ITPRID2: variants seen among roughly 807,000 people sequenced by gnomAD.
ITPRID2 encodes ITPR interacting domain containing 2, also known as protein ITPRID2.
Under a neutral mutation model 124.3 loss-of-function variants are expected in ITPRID2, and 60 were observed. The observed-to-expected ratio is 0.48, with a 90% CI of 0.39 to 0.60. The LOEUF (loss-of-function observed/expected upper bound fraction) is 0.60. Among genes scored for constraint, ITPRID2 ranks in the 20% least tolerant of loss-of-function variants. The pLI, the probability that ITPRID2 is intolerant of heterozygous loss-of-function variation, is 0.00. For synonymous variants in ITPRID2, 521 were observed against 542.9 expected, an observed-to-expected ratio of 0.96 and a Z score of 0.56; for missense variants, 1,553 against 1,512.2, an observed-to-expected ratio of 1.03 and a Z score of -0.45.
At chr2:181,895,894 C>T in intron 2 of ITPRID2, 136 bp from the exon 3 acceptor site, 1 of 712,350 alleles carries the variant, frequency 1.4e-6, no homozygotes, top group South Asian at 1.8e-5. Context: ...ACTTGCATTC[C>T]TTGTGTGTTT....
rs200173851 is a variant in ITPRID2 at position 181,915,905 on chromosome 2, T to C, written c.2265T>C (p.Asn755=). The change falls in exon 11 of 18, where the codon AAT becomes AAC. Residue 755 remains asparagine, a synonymous_variant. Coordinates refer to ENST00000431877, the MANE Select transcript of ITPRID2 (RefSeq NM_001130445.3). ...CAGTAAGGGTTGTGTCCTCTGTCAA[T>C]GTTCGATTATCTCCAGGAAAAGAGA... ...LSPVRVVSSV[N]VRLSPGKETR... The C allele has an allele frequency of 1.9e-5, 31 of 1,614,106 alleles. No homozygotes were observed. Among genetic ancestry groups the C allele is most frequent in the Non-Finnish European group, 2.6e-5 (31 of 1,180,050 alleles).
chr2:181,914,465 T>C (rs1250798649), intron 10 of ITPRID2, among the ~76,000 whole-genome samples: 1 of 151,964 alleles, frequency 6.6e-6, no homozygotes, highest in Non-Finnish European at 1.5e-5. Context: ...CTAAAGAAAA[T>C]TGGGATGAGA....
rs1376897691 is a variant in ITPRID2 at position 181,919,354 on chromosome 2, C to G, written c.3052C>G (p.Leu1018Val). 3.0e-5 allele frequency: 49 copies of G among 1,614,034 alleles called. No individual in the cohort carries two copies. The highest frequency in any genetic ancestry group is 4.0e-5 in the Non-Finnish European group (47 of 1,180,044). The change falls in exon 14 of 18, where the codon CTG (leucine) becomes GTG (valine). Residue 1018 changes from leucine to valine, a missense_variant. Coordinates refer to ENST00000431877, the MANE Select transcript of ITPRID2 (RefSeq NM_001130445.3). This position sits in a 1 kb window ranked among gnomAD's most constrained non-coding sequence, Gnocchi z 4.2. ...TTCAGTCCGAATGGAACTTCAGGAC[C>G]TGGAACTGCAGCTGGAGGAGCGCCT... ...RNSVRMELQDLELQLEERLLG... is the reference protein window; with the variant it reads ...RNSVRMELQDVELQLEERLLG...
chr2:181,894,281 A>G (rs1166824368), intron 2 of ITPRID2: 2 of 152,196 alleles, frequency 1.3e-5, no homozygotes, highest in Non-Finnish European at 2.9e-5. Flanking sequence ...GCAAATGTTG[A>G]CATTCACCAG....
chr2:181,904,034 A>G (rs1479129452), intron 8 of ITPRID2, among the ~76,000 whole-genome samples: 1 of 152,218 alleles, frequency 6.6e-6, no homozygotes, highest in Non-Finnish European at 1.5e-5. Flanking sequence ...CAACACTCAT[A>G]TTTTCAAGTA....
At chr2:181,923,679 A>AT (rs932426410) in intron 16 of ITPRID2, among the ~76,000 whole-genome samples, 39 of 148,522 alleles carry the variant, frequency 2.6e-4, no homozygotes, top group South Asian at 1.5e-3. Context: ...TTTTAAGGTA[A>AT]TTTTTTTTTT....
rs895043990 is a variant in ITPRID2, at chr2:181,905,099, G to A, written c.1413+2633G>A. Among the ~76,000 whole-genome samples, 11 of 150,946 alleles carry A rather than the reference G, an allele frequency of 7.3e-5. No individual in the cohort carries two copies. The highest frequency in any genetic ancestry group is 2.2e-4 in the African/African-American group (9 of 40,940). ...GACGGAGTCGCGCATTGTCACCCGG[G>A]AGTGCAGTGGTGCAATCTTGGCTAA... On this transcript the variant is annotated intron_variant, in intron 8 of 17. Coordinates refer to ENST00000431877, the MANE Select transcript of ITPRID2 (RefSeq NM_001130445.3). The surrounding 1 kb of genome is among the most constrained non-coding windows in gnomAD (Gnocchi z 4.1).
rs186175328 is a variant in ITPRID2, at chr2:181,912,408, G to A, written c.1487-1437G>A. Among the ~76,000 whole-genome samples the A allele has an allele frequency of 2.1e-4, 32 of 152,182 alleles. No homozygotes were observed. The East Asian group carries it at 3.7e-3, about 17-fold the overall frequency. ...CAGTTTCACAAGTATTCCAATTTAC[G>A]TAGGCTTATCAAGGATATGGAATAA... On this transcript the variant is annotated intron_variant, in intron 9 of 17. Coordinates refer to ENST00000431877, the MANE Select transcript of ITPRID2 (RefSeq NM_001130445.3).
intron 16 of ITPRID2, among the ~76,000 whole-genome samples, 157 bp downstream of exon 16, chr2:181,922,569 T>A (rs945849023): frequency 6.6e-6 from 1 of 152,214 alleles, no homozygotes; most frequent in Non-Finnish European, 1.5e-5. Flanking sequence ...CAAGTTTGTG[T>A]CAATTAAGAT....
At position 181,920,524 on chromosome 2, in the gene ITPRID2, C is replaced by T. The variant is rs549243022; in HGVS notation, c.3145-73C>T. On this transcript the variant is annotated intron_variant, in intron 14 of 17. Coordinates refer to ENST00000431877, the MANE Select transcript of ITPRID2 (RefSeq NM_001130445.3). ...TGTGATTTGAAAAAATATATATGTA[C>T]ATTATAATTATATATGCATGTATGT... is the stretch of plus-strand genomic sequence containing the variant. 7 of 1,081,714 alleles carry T rather than the reference C, an allele frequency of 6.5e-6. No homozygotes were observed. In the East Asian group the frequency reaches 1.4e-4, roughly 21 times the overall value. 67.0% of individuals were successfully genotyped at this position (1,081,714 alleles called of 1,614,324 possible).
chr2:181,912,804 G>T (rs1359972903), intron 9 of ITPRID2, among the ~76,000 whole-genome samples: 1 of 152,104 alleles, frequency 6.6e-6, no homozygotes, highest in African/African-American at 2.4e-5. Flanking sequence ...TGCTTAGTTG[G>T]CCTTTTTACT....
At chr2:181,901,685 C>G in intron 7 of ITPRID2, 81 bp from the exon 8 acceptor site, 2 of 1,030,534 alleles carry the variant, frequency 1.9e-6, no homozygotes, top group Non-Finnish European at 2.6e-6. Flanking sequence ...TTTTGGAATT[C>G]TAAACAATAA....
chr2:181,918,930 A>T (rs937368458), intron 13 of ITPRID2, 48 bp downstream of exon 13: 3 of 1,596,050 alleles, frequency 1.9e-6, no homozygotes, highest in Non-Finnish European at 2.6e-6. Flanking sequence ...TTTTCATTCA[A>T]AGTCTTCTCA....
chr2:181,897,010 T>G, intron 4 of ITPRID2, 46 bp downstream of exon 4: 1 of 1,530,390 alleles, frequency 6.5e-7, no homozygotes, highest in Non-Finnish European at 9.0e-7. Flanking sequence ...TTTTCAAATT[T>G]AAAAAAAATG....
rs758325171 is a variant in ITPRID2 at position 181,902,397 on chromosome 2, T to G, written c.1344T>G (p.Cys448Trp). 1 of 1,613,426 alleles carries G rather than the reference T, an allele frequency of 6.2e-7. No homozygotes were observed. Among genetic ancestry groups the G allele is most frequent in the East Asian group, 2.2e-5 (1 of 44,864 alleles). ...VHISTPEKEPCAPLTIPSIRN... is the reference protein window; with the variant it reads ...VHISTPEKEPWAPLTIPSIRN... ...TATCCACACCTGAAAAAGAGCCTTG[T>G]GCACCACTGACAATACCATCCATAA... The change falls in exon 8 of 18, where the codon TGT becomes TGG. Residue 448 changes from cysteine to tryptophan, a missense_variant. Cys to Trp is a radical substitution (Grantham distance 215). Coordinates refer to ENST00000431877, the MANE Select transcript of ITPRID2 (RefSeq NM_001130445.3). This position sits in a 1 kb window ranked among gnomAD's most constrained non-coding sequence, Gnocchi z 4.4.
intron 2 of ITPRID2, among the ~76,000 whole-genome samples, chr2:181,894,902 C>T (rs1692062588): frequency 6.6e-6 from 1 of 151,970 alleles, no homozygotes; most frequent in African/African-American, 2.4e-5. Flanking sequence ...CATCTGTGGA[C>T]AGAGTAATAC....
chr2:181,892,122 T>C lies in ITPRID2; in HGVS notation c.56T>C (p.Val19Ala). 1 of 1,558,656 alleles carries C rather than the reference T, an allele frequency of 6.4e-7. No individual in the cohort carries two copies. Among genetic ancestry groups the C allele is most frequent in the Non-Finnish European group, 8.7e-7 (1 of 1,151,980 alleles). ...AEAEEELEWQ[V>A]ASRRRKAWAK... ...GCGGAGGAGGAACTGGAGTGGCAAG[T>C]GGCGAGTCGCAGGAGGAAGGCCTGG... Residue 19 changes from valine to alanine, a missense_variant, in exon 1 of 18, where the codon GTG (valine) becomes GCG (alanine). Transcript: ENST00000431877. The surrounding 1 kb of genome is among the most constrained non-coding windows in gnomAD (Gnocchi z 5.2).
At chr2:181,898,432 T>TA (rs575892508) in intron 4 of ITPRID2, among the ~76,000 whole-genome samples, 2 of 151,978 alleles carry the variant, frequency 1.3e-5, no homozygotes, top group South Asian at 4.1e-4. Flanking sequence ...GTTATAACCT[T>TA]AAAAAAAATT....
rs1319867557 is a variant in ITPRID2 at position 181,901,826 on chromosome 2, C to G, written c.773C>G (p.Ser258Cys). ...GCCAATGCGTTTTCTTCTTTATATT[C>G]TCAAGTCTCCGGGACGCCCCTGCAG... ...TVANAFSSLY[S>C]QVSGTPLQRI... The change falls in exon 8 of 18, where the codon TCT (serine) becomes TGT (cysteine). Residue 258 changes from serine to cysteine, a missense_variant. Coordinates refer to ENST00000431877, the MANE Select transcript of ITPRID2 (RefSeq NM_001130445.3). The G allele has an allele frequency of 2.5e-6, 4 of 1,613,580 alleles. No individual in the cohort carries two copies. The African/African-American group carries it at 4.0e-5, about 16-fold the overall frequency.
Sources: gnomAD v4.1 joint callset for allele counts (sites outside exome capture counted in the v4.1 genomes callset) on GRCh38, gnomAD v4.1.1 for gene constraint, Gnocchi (gnomAD v3.1) non-coding constraint, MANE v1.5 for transcripts, NCBI Gene and HGNC (gene_info 2026-07-23, HGNC 2026-07-21) for gene names.